The following ZBTB16 variants were observed in gnomAD, a reference collection of about 807,000 sequenced individuals.
ZBTB16 encodes zinc finger and BTB domain containing 16.
A neutral mutation model predicts 56.8 loss-of-function variants in ZBTB16; 8 were observed. The ratio of observed to expected loss-of-function variants is 0.14; its 90% CI spans 0.08 to 0.25. ZBTB16 has a LOEUF of 0.25. ZBTB16 is among the 10% of genes least tolerant of loss of function. The probability of loss-of-function intolerance (pLI) is 1.00; values close to 1 mark genes in which losing one functional copy is unlikely to be tolerated. For missense variants in ZBTB16, 625 were observed against 903.0 expected (o/e 0.69, Z 3.95); for synonymous variants, 363 against 368.5 (o/e 0.98, Z 0.17).
chr11:114,121,030 C>T (rs1941327712), intron 2 of ZBTB16, among the ~76,000 whole-genome samples: 1 of 152,200 alleles, frequency 6.6e-6, no homozygotes, highest in Non-Finnish European at 1.5e-5. Context: ...ATCAGGGATG[C>T]TCACTTGCAG....
chr11:114,182,926 G>A (rs767847135), intron 3 of ZBTB16, among the ~76,000 whole-genome samples: 15 of 152,166 alleles, frequency 9.9e-5, no homozygotes, highest in Non-Finnish European at 2.2e-4. Flanking sequence ...AAAGCTTGGC[G>A]AGGAAATTTA....
At chr11:114,199,017 C>T (rs1184610549) in intron 4 of ZBTB16, among the ~76,000 whole-genome samples, 1 of 152,224 alleles carries the variant, frequency 6.6e-6, no homozygotes, top group Non-Finnish European at 1.5e-5. Context: ...TTAAGCAAGG[C>T]AGGTTTGGAT....
At chr11:114,138,956 G>T (rs1591705724) in intron 2 of ZBTB16, among the ~76,000 whole-genome samples, 1 of 152,056 alleles carries the variant, frequency 6.6e-6, no homozygotes, top group African/African-American at 2.4e-5. Context: ...CTCCCAAAGC[G>T]CTGGGATTAC....
At chr11:114,104,129 G>A (rs767515623) in intron 2 of ZBTB16, among the ~76,000 whole-genome samples, 2 of 152,102 alleles carry the variant, frequency 1.3e-5, no homozygotes, top group African/African-American at 2.4e-5. Flanking sequence ...TTTCTACAAT[G>A]GTGCATTTGG....
chr11:114,164,940 G>A (rs1942701895), intron 3 of ZBTB16, among the ~76,000 whole-genome samples: 1 of 151,834 alleles, frequency 6.6e-6, no homozygotes, highest in Non-Finnish European at 1.5e-5. Context: ...GTCAGCCTCG[G>A]CCTTTTCTTG....
intron 4 of ZBTB16, among the ~76,000 whole-genome samples, chr11:114,204,178 C>G (rs762525151): frequency 3.4e-5 from 5 of 148,098 alleles, no homozygotes; most frequent in African/African-American, 5.0e-5. Flanking sequence ...TTCTGAGACA[C>G]AGTCTTGCTT....
intron 5 of ZBTB16, 155 bp from the exon 6 acceptor site, chr11:114,247,043 T>G: frequency 1.2e-6 from 1 of 866,696 alleles, no homozygotes; most frequent in Non-Finnish European, 1.9e-6. Context: ...ATTGCTTGTT[T>G]ATTCAATGGA....
intron 3 of ZBTB16, among the ~76,000 whole-genome samples, chr11:114,169,708 G>T (rs895519108): frequency 6.6e-6 from 1 of 152,200 alleles, no homozygotes; most frequent in Non-Finnish European, 1.5e-5. Context: ...GCAAGGCTGG[G>T]TGTGCTCATT....
intron 5 of ZBTB16, among the ~76,000 whole-genome samples, chr11:114,245,552 A>G (rs987720991): frequency 6.6e-6 from 1 of 152,112 alleles, no homozygotes; most frequent in Non-Finnish European, 1.5e-5. Flanking sequence ...TAACTTTGGG[A>G]GGGGGGAGCT....
chr11:114,089,374 A>G (rs907594403), intron 2 of ZBTB16, among the ~76,000 whole-genome samples: 4 of 152,210 alleles, frequency 2.6e-5, no homozygotes, highest in African/African-American at 9.6e-5. Context: ...TGGTTAACCC[A>G]GTTGTTATAC....
chr11:114,243,520 G>A (rs1591811394), intron 5 of ZBTB16, among the ~76,000 whole-genome samples: 1 of 152,210 alleles, frequency 6.6e-6, no homozygotes, highest in Non-Finnish European at 1.5e-5. Flanking sequence ...GGAGCACATT[G>A]TCTTAGCATC....
intron 4 of ZBTB16, among the ~76,000 whole-genome samples, chr11:114,234,387 G>T (rs1482973186): frequency 2.0e-5 from 3 of 152,190 alleles, no homozygotes; most frequent in Non-Finnish European, 2.9e-5. Flanking sequence ...AGTCTTCCAA[G>T]ATGGTATCTT....
At chr11:114,138,188 G>A (rs1941846900) in intron 2 of ZBTB16, among the ~76,000 whole-genome samples, 1 of 152,160 alleles carries the variant, frequency 6.6e-6, no homozygotes, top group Non-Finnish European at 1.5e-5. Flanking sequence ...TGCCATTTTA[G>A]AGTAAAACAG....
intron 4 of ZBTB16, among the ~76,000 whole-genome samples, chr11:114,200,434 G>C (rs1031934127): frequency 4.6e-5 from 7 of 152,212 alleles, no homozygotes; most frequent in Admixed American, 1.3e-4. Context: ...CTATTATTCA[G>C]AACGTGGTCT....
At chr11:114,102,770 G>T (rs566969250) in intron 2 of ZBTB16, among the ~76,000 whole-genome samples, 3 of 152,134 alleles carry the variant, frequency 2.0e-5, no homozygotes, top group South Asian at 2.1e-4. Context: ...AGGCAGGAGA[G>T]CCTAGAGCTA....
rs149846641 is a variant in ZBTB16 at position 114,212,926 on chromosome 11, G to C, written c.1453+25888G>C. ...TGTTTTCTGCTTGGTAGAAAATGCCGGCACCCCTCCCTCAACCTTCATCAC... is the reference window on the plus strand; with the variant it reads ...TGTTTTCTGCTTGGTAGAAAATGCCCGCACCCCTCCCTCAACCTTCATCAC... On this transcript the variant is annotated intron_variant, in intron 4 of 6. Coordinates refer to ENST00000335953, the MANE Select transcript of ZBTB16 (RefSeq NM_006006.6). Among the ~76,000 whole-genome samples the C allele has an allele frequency of 3.9e-5, 6 of 151,988 alleles. No homozygotes were observed. In the East Asian group the frequency reaches 1.2e-3, roughly 30 times the overall value.
In ZBTB16 at chr11:114,252,589, A is replaced by G. The variant is rs1288612192; in HGVS notation, c.*2034A>G. Reference sequence around the variant, plus strand: ...AATATTCGTGTTTGCTTTGGGACGGACCCTCCGTTTCATCTCATGCTTTAT... The same window carrying G: ...AATATTCGTGTTTGCTTTGGGACGGGCCCTCCGTTTCATCTCATGCTTTAT... On this transcript the variant is annotated 3_prime_UTR_variant, in exon 7 of 7. Coordinates refer to ENST00000335953, the MANE Select transcript of ZBTB16 (RefSeq NM_006006.6). Among the ~76,000 whole-genome samples, 2 of 151,758 alleles carry G rather than the reference A, an allele frequency of 1.3e-5. No individual in the cohort carries two copies. The highest frequency in any genetic ancestry group is 1.3e-4 in the Admixed American group (2 of 15,232).
intron 4 of ZBTB16, among the ~76,000 whole-genome samples, chr11:114,192,738 A>G (rs1404016622): frequency 6.6e-6 from 1 of 152,192 alleles, no homozygotes; most frequent in Non-Finnish European, 1.5e-5. Flanking sequence ...TCATGAAAGC[A>G]AGGGGAGAAC....
Position 114,256,154 on chromosome 11 carries a change from A to T in ZBTB16, c.*5599A>T, listed in dbSNP as rs1435934519. On this transcript the variant is annotated 3_prime_UTR_variant, in exon 7 of 7. Coordinates refer to ENST00000335953, the MANE Select transcript of ZBTB16 (RefSeq NM_006006.6). ...TTAGACTTATCTATGTGTCACTTTTATGCCACATTTACAAGGCACAGATGC... is the reference window on the plus strand; with the variant it reads ...TTAGACTTATCTATGTGTCACTTTTTTGCCACATTTACAAGGCACAGATGC... Among the ~76,000 whole-genome samples, 1 of 151,866 alleles carries T rather than the reference A, an allele frequency of 6.6e-6. No individual in the cohort carries two copies. The highest frequency in any genetic ancestry group is 1.5e-5 in the Non-Finnish European group (1 of 68,018).
Sources: allele counts gnomAD v4.1 joint callset (sites outside exome capture counted in the v4.1 genomes callset), GRCh38; gene constraint gnomAD v4.1.1; transcripts MANE v1.5; gene names NCBI Gene and HGNC (gene_info 2026-07-23, HGNC 2026-07-21).